Variants in ADH7 observed in about 807,000 individuals in gnomAD.
ADH7 encodes the protein all-trans-retinol dehydrogenase [NAD(+)] ADH7.
Under a neutral mutation model 34.4 loss-of-function variants are expected in ADH7, and 41 were observed. The observed-to-expected ratio is 1.19, with a 90% CI of 0.93 to 1.55. The LOEUF (loss-of-function observed/expected upper bound fraction) is 1.55, where lower values mean the gene tolerates loss of function less well. Among genes scored for constraint, ADH7 ranks in the 40% most tolerant of loss-of-function variants. The probability of loss-of-function intolerance (pLI) is 0.00; values close to 1 mark genes in which losing one functional copy is unlikely to be tolerated. For synonymous variants in ADH7, 180 were observed against 160.9 expected (o/e 1.12, Z -0.90); for missense variants, 540 against 461.2 (o/e 1.17, Z -1.56).
chr4:99,422,736 T>A (rs1180837504), intron 5 of ADH7, among the ~76,000 whole-genome samples: 3 of 151,828 alleles, frequency 2.0e-5, no homozygotes, highest in Non-Finnish European at 2.9e-5. Context: ...AAATTAAATC[T>A]AGAAACTTCA....
intron 8 of ADH7, 52 bp from the exon 9 acceptor site, chr4:99,413,224 A>G: frequency 6.3e-7 from 1 of 1,592,172 alleles, no homozygotes; most frequent in Non-Finnish European, 8.6e-7. Context: ...TCTTTCAAGA[A>G]AGGATAGTTT....
intron 2 of ADH7, among the ~76,000 whole-genome samples, chr4:99,428,885 T>C (rs2110139945): frequency 6.6e-6 from 1 of 152,286 alleles, no homozygotes; most frequent in South Asian, 2.1e-4. Flanking sequence ...GGTGCTCTTG[T>C]GAGGGAACCA....
chr4:99,426,939 A>AAC (rs1299827890), intron 5 of ADH7, among the ~76,000 whole-genome samples: 1 of 152,192 alleles, frequency 6.6e-6, no homozygotes, highest in Non-Finnish European at 1.5e-5. Context: ...TCTGCATATA[A>AAC]ACAGAACCAA....
At chr4:99,424,636 A>T (rs1721757193) in intron 5 of ADH7, among the ~76,000 whole-genome samples, 1 of 152,080 alleles carries the variant, frequency 6.6e-6, no homozygotes, top group South Asian at 2.1e-4. Flanking sequence ...ATTCTCTTTG[A>T]AGCAATTGTG....
chr4:99,421,947 G>A (rs374819649), intron 5 of ADH7, among the ~76,000 whole-genome samples: 56 of 152,186 alleles, frequency 3.7e-4, no homozygotes, highest in African/African-American at 1.1e-3. Flanking sequence ...CAAAACCACC[G>A]TGTGATACCA....
intron 7 of ADH7, among the ~76,000 whole-genome samples, chr4:99,417,877 A>C (rs1041891577): frequency 6.6e-6 from 1 of 152,132 alleles, no homozygotes; most frequent in Non-Finnish European, 1.5e-5. Flanking sequence ...TTGTTCTTCA[A>C]GTTTCATTTT....
intron 6 of ADH7, among the ~76,000 whole-genome samples, chr4:99,420,026 A>T (rs1036721022): frequency 2.6e-5 from 4 of 152,314 alleles, no homozygotes; most frequent in Admixed American, 2.6e-4. Flanking sequence ...TACAGGTGGC[A>T]TGGTTAGAAA....
intron 7 of ADH7, 145 bp downstream of exon 7, chr4:99,418,841 T>C (rs1579572811): frequency 2.1e-6 from 2 of 965,264 alleles, no homozygotes; most frequent in East Asian, 5.2e-5. Flanking sequence ...GAGAATTATC[T>C]TTTGTGTTAT....
chr4:99,413,250 C>T, intron 8 of ADH7, 78 bp from the exon 9 acceptor site: 4 of 1,500,284 alleles, frequency 2.7e-6, no homozygotes, highest in Non-Finnish European at 3.7e-6. Flanking sequence ...ATTGTCCTTT[C>T]TATCTGTCAT....
chr4:99,418,201 T>C (rs1264265007), intron 7 of ADH7, among the ~76,000 whole-genome samples: 4 of 152,234 alleles, frequency 2.6e-5, no homozygotes, highest in Non-Finnish European at 4.4e-5. Flanking sequence ...TATTTATAGC[T>C]GCACTTATTT....
intron 2 of ADH7, among the ~76,000 whole-genome samples, chr4:99,429,098 A>C (rs1457725576): frequency 6.6e-6 from 1 of 152,204 alleles, no homozygotes; most frequent in Non-Finnish European, 1.5e-5. Context: ...CTGGTGTCCA[A>C]AGCCAAGGTT....
chr4:99,427,877 C>A lies in ADH7; in HGVS notation c.460G>T (p.Glu154Ter). ...STFTEYTVVD[E>*]SSVAKIDDAA... ...TCATCAATCTTAGCAACAGAAGATTCATCCACCACTGTGTACTCGGTAAAT... is the reference window on the plus strand; with the variant it reads ...TCATCAATCTTAGCAACAGAAGATTAATCCACCACTGTGTACTCGGTAAAT... The change falls in exon 5 of 9, where the codon GAA becomes TAA. Residue 154 changes from glutamate (E) to a stop codon, truncating the protein, a stop_gained. Coordinates refer to ENST00000437033, the MANE Select transcript of ADH7 (RefSeq NM_000673.7). LOFTEE classifies it high-confidence loss of function. 1 of 1,613,644 alleles carries A rather than the reference C, an allele frequency of 6.2e-7. No homozygotes were observed. Among genetic ancestry groups the A allele is most frequent in the East Asian group, 2.2e-5 (1 of 44,870 alleles).
intron 5 of ADH7, among the ~76,000 whole-genome samples, chr4:99,424,245 T>C (rs1373943737): frequency 6.6e-6 from 1 of 152,260 alleles, no homozygotes; most frequent in Non-Finnish European, 1.5e-5. Context: ...TACATCTCTG[T>C]TTTGGTACCA....
chr4:99,425,261 T>A (rs1471976941), intron 5 of ADH7, among the ~76,000 whole-genome samples: 1 of 152,132 alleles, frequency 6.6e-6, no homozygotes, highest in Non-Finnish European at 1.5e-5. Flanking sequence ...AGACACAGAC[T>A]GGTAAATTCG....
At chr4:99,421,464 C>A (rs1349493972) in intron 5 of ADH7, among the ~76,000 whole-genome samples, 1 of 152,206 alleles carries the variant, frequency 6.6e-6, no homozygotes, top group Non-Finnish European at 1.5e-5. Context: ...AAAACTCAGA[C>A]TGGACCCCTT....
At position 99,420,537 on chromosome 4, in the gene ADH7, G is replaced by A; in HGVS notation, c.821C>T (p.Thr274Ile). 2 of 1,612,348 alleles carry A rather than the reference G, an allele frequency of 1.2e-6. No homozygotes were observed. The highest frequency in any genetic ancestry group is 1.7e-6 in the Non-Finnish European group (2 of 1,178,720). Residue 274 changes from threonine to isoleucine, a missense_variant, in exon 6 of 9, where the codon ACC (threonine) becomes ATC (isoleucine). Physicochemically the swap from Thr to Ile is moderately conservative, Grantham distance 89. Transcript: ENST00000437033. ...YTFEVIGHLE[T>I]MIDALASCHM... ...TTCTCAAATTTTGGGTCTTACCATGGTTTCAAGATGCCCAATAACTTCAAA... is the reference window on the plus strand; with the variant it reads ...TTCTCAAATTTTGGGTCTTACCATGATTTCAAGATGCCCAATAACTTCAAA...
At chr4:99,419,666 A>G (rs569164239) in intron 6 of ADH7, among the ~76,000 whole-genome samples, 113 of 152,268 alleles carry the variant, frequency 7.4e-4, no homozygotes, top group African/African-American at 2.6e-3. Context: ...TTGTTTTTAG[A>G]GACCAGCCTT....
intron 8 of ADH7, among the ~76,000 whole-genome samples, chr4:99,414,085 T>A (rs1721465093): frequency 6.6e-6 from 1 of 152,138 alleles, no homozygotes; most frequent in Admixed American, 6.5e-5. Context: ...GAAGCAAAAT[T>A]CCTGAAAGCA....
Position 99,413,058 on chromosome 4 carries a change from T to TGA in ADH7, c.*88_*89dup, listed in dbSNP as rs764078881. On this transcript the variant is annotated 3_prime_UTR_variant, in exon 9 of 9. Transcript: ENST00000437033. ...AATCTTCTACTTATGCTTGTATTTG[T>TGA]GAGACAGATACATGATTTCAGATGA... The TGA allele has an allele frequency of 2.0e-4, 270 of 1,327,592 alleles. 1 individual carries two copies. Among genetic ancestry groups the TGA allele is most frequent in the Non-Finnish European group, 2.6e-4 (238 of 928,696 alleles). The allele number at this position is 1,327,592 out of a possible 1,614,324, so 82.2% of individuals were successfully genotyped here. A position where few individuals can be genotyped will look rare whatever the true frequency, so the allele number is the denominator to read the frequency against.
Sources: allele counts gnomAD v4.1 joint callset (sites outside exome capture counted in the v4.1 genomes callset), GRCh38; gene constraint gnomAD v4.1.1; transcripts MANE v1.5; gene names NCBI Gene and HGNC (gene_info 2026-07-23, HGNC 2026-07-21).